The following RAB14 variants were observed in gnomAD, a reference collection of about 807,000 sequenced individuals.
RAB14 encodes RAB14, member RAS oncogene family.
In RAB14, 3 loss-of-function variants were observed where a neutral mutation model predicts 31.1. The observed-to-expected ratio is 0.10, with a 90% CI of 0.04 to 0.25. The LOEUF (loss-of-function observed/expected upper bound fraction) is 0.25, where lower values mean the gene tolerates loss of function less well. Among genes scored for constraint, RAB14 ranks in the 10% least tolerant of loss-of-function variants. RAB14 has a pLI of 1.00. For missense variants in RAB14, 111 were observed against 260.1 expected (o/e 0.43, Z 3.94); for synonymous variants, 85 against 84.9 (o/e 1.00, Z 0.00).
At chr9:121,186,033 C>T (rs1365385662) in intron 5 of RAB14, among the ~76,000 whole-genome samples, 1 of 152,162 alleles carries the variant, frequency 6.6e-6, no homozygotes, top group East Asian at 1.9e-4. Flanking sequence ...ACTGATAACA[C>T]AGTTCTTGAA....
chr9:121,196,376 C>G (rs2053717078), intron 1 of RAB14, among the ~76,000 whole-genome samples: 1 of 152,132 alleles, frequency 6.6e-6, no homozygotes, highest in Non-Finnish European at 1.5e-5. Context: ...CAACAATTTG[C>G]AAACTAATAA....
chr9:121,188,719 G>A (rs908486938), intron 4 of RAB14, among the ~76,000 whole-genome samples: 1 of 151,998 alleles, frequency 6.6e-6, no homozygotes, highest in Non-Finnish European at 1.5e-5. Context: ...TTGCTGTCAT[G>A]ACTGCAACAC....
intron 1 of RAB14, among the ~76,000 whole-genome samples, chr9:121,193,697 G>C (rs1588370993): frequency 6.6e-6 from 1 of 151,974 alleles, no homozygotes; most frequent in East Asian, 1.9e-4. Context: ...GAACTTAAAA[G>C]TATAATTTAA....
rs968596291 is a variant in RAB14 at position 121,179,777 on chromosome 9, C to T, written c.*1619G>A. On this transcript the variant is annotated 3_prime_UTR_variant, in exon 8 of 8. Transcript: ENST00000373840. Reference sequence around the variant, plus strand: ...ATACTCTGGTACTACCACATGTTTACAACCCAGAAAGATGTACTTTTATGT... The same window carrying T: ...ATACTCTGGTACTACCACATGTTTATAACCCAGAAAGATGTACTTTTATGT... The T allele has an allele frequency of 2.0e-5, 3 of 152,572 alleles. No individual in the cohort carries two copies. The highest frequency in any genetic ancestry group is 7.2e-5 in the African/African-American group (3 of 41,418). The allele number at this position is 152,572 out of a possible 1,614,324, so 9.5% of individuals were successfully genotyped here.
Position 121,181,396 on chromosome 9 carries a change from C to G in RAB14, c.648G>C (p.Ter216TyrextTer1). ...PQPQREGCGC[*>Y] ...ATGAGGGGCCACAGCAAAGAGGTCA[C>G]TAGCAGCCACAGCCTTCTCTCTGGG... The change falls in exon 8 of 8, where the codon TAG (stop) becomes TAC (tyrosine). Residue 216 changes from the stop codon to tyrosine, a stop_lost. Transcript: ENST00000373840. 6.3e-7 allele frequency: 1 copy of G among 1,592,580 alleles called. No individual in the cohort carries two copies. The highest frequency in any genetic ancestry group is 8.6e-7 in the Non-Finnish European group (1 of 1,164,272).
intron 1 of RAB14, among the ~76,000 whole-genome samples, chr9:121,201,434 C>T (rs949351266): frequency 6.6e-6 from 1 of 152,140 alleles, no homozygotes; most frequent in East Asian, 1.9e-4. Flanking sequence ...GCGCAGGGGA[C>T]ACCTCCGCCC....
chr9:121,199,045 T>C lies in RAB14; in HGVS notation c.-8+2594A>G, dbSNP rs570370322. The stretch of plus-strand genomic sequence containing the variant: ...CTTAATGTGGCAAAAGTAACTTTGA[T>C]GGTCTTCTATATACAGGAAATAAAG... On this transcript the variant is annotated intron_variant, in intron 1 of 7. Transcript: ENST00000373840. Among the ~76,000 whole-genome samples the C allele has an allele frequency of 2.6e-5, 4 of 152,334 alleles. No homozygotes were observed. The South Asian group carries it at 6.2e-4, about 24-fold the overall frequency.
chr9:121,196,194 T>C (rs559595505), intron 1 of RAB14, among the ~76,000 whole-genome samples: 2 of 151,860 alleles, frequency 1.3e-5, no homozygotes, highest in South Asian at 4.2e-4. Context: ...AAAAAAAAAA[T>C]CCTGGTAATA....
chr9:121,189,765 CTAAT>C (rs766760552), intron 4 of RAB14, among the ~76,000 whole-genome samples: 32 of 152,102 alleles, frequency 2.1e-4, no homozygotes, highest in Admixed American at 4.6e-4. Context: ...GCTTTAAACT[CTAAT>C]TATCACTTGG....
intron 6 of RAB14, 53 bp from the exon 7 acceptor site, chr9:121,183,013 G>T: frequency 6.6e-7 from 1 of 1,518,074 alleles, no homozygotes; most frequent in Admixed American, 1.8e-5. Context: ...ACTCACAAGT[G>T]CACTTCTTTA....
chr9:121,178,586 C>T lies in RAB14; in HGVS notation c.*2810G>A, dbSNP rs1295105412. On this transcript the variant is annotated 3_prime_UTR_variant, in exon 8 of 8. Coordinates refer to ENST00000373840, the MANE Select transcript of RAB14 (RefSeq NM_016322.4). ...AAAGTTCCCCAAAACTACTGTCTTA[C>T]CGAATTTGAGAAGGGAGGTAATGTA... 6.6e-6 allele frequency: 1 copy of T among 152,488 alleles called. No individual in the cohort carries two copies. Among genetic ancestry groups the T allele is most frequent in the Non-Finnish European group, 1.5e-5 (1 of 68,024 alleles). The allele number at this position is 152,488 out of a possible 1,614,324, so 9.4% of individuals were successfully genotyped here.
chr9:121,192,237 AAAG>A lies in RAB14; in HGVS notation c.53-16_53-14del, dbSNP rs1368778872. The A allele has an allele frequency of 3.8e-6, 6 of 1,584,402 alleles. No homozygotes were observed. The highest frequency in any genetic ancestry group is 5.2e-6 in the Non-Finnish European group (6 of 1,163,928). ...ACTCCCATGTCCCCTGTTTAAAAAAAAAGAAGTTTCAGGTGGCAATTACATTTC... is the reference window on the plus strand; with the variant it reads ...ACTCCCATGTCCCCTGTTTAAAAAAAAAGTTTCAGGTGGCAATTACATTTC... On this transcript the variant is annotated splice_polypyrimidine_tract_variant and intron_variant, in intron 2 of 7. Coordinates refer to ENST00000373840, the MANE Select transcript of RAB14 (RefSeq NM_016322.4).
intron 4 of RAB14, among the ~76,000 whole-genome samples, chr9:121,189,490 A>T (rs1265683701): frequency 6.6e-6 from 1 of 152,148 alleles, no homozygotes; most frequent in East Asian, 1.9e-4. Context: ...AAGGGCATTA[A>T]GGCTTGTTTC....
At chr9:121,188,341 C>T (rs2053669010) in intron 4 of RAB14, among the ~76,000 whole-genome samples, 1 of 151,826 alleles carries the variant, frequency 6.6e-6, no homozygotes, top group African/African-American at 2.4e-5. Context: ...CTTTGATGAA[C>T]TTTAAAATTT....
rs141348233 is a variant in RAB14 at position 121,189,440 on chromosome 9, T to G, written c.284+1114A>C. 2.2e-3 allele frequency among the ~76,000 whole-genome samples: 338 copies of G among 152,220 alleles called. 1 individual carries two copies. The highest frequency in any genetic ancestry group is 7.7e-3 in the African/African-American group (320 of 41,536). ...GCCAGGTTTATTAACAGTCTTCCCATAATACTCTTGATCATATCACAGATT... is the reference window on the plus strand; with the variant it reads ...GCCAGGTTTATTAACAGTCTTCCCAGAATACTCTTGATCATATCACAGATT... On this transcript the variant is annotated intron_variant, in intron 4 of 7. Transcript: ENST00000373840.
At chr9:121,193,317 T>C (rs774935137) in intron 2 of RAB14, 44 bp downstream of exon 2, 2 of 1,344,336 alleles carry the variant, frequency 1.5e-6, no homozygotes, top group Admixed American at 1.8e-5. Flanking sequence ...ATTTTGTATG[T>C]TAACCTTCTT....
intron 1 of RAB14, among the ~76,000 whole-genome samples, chr9:121,194,490 G>A (rs1037910922): frequency 3.9e-5 from 6 of 152,184 alleles, no homozygotes; most frequent in African/African-American, 1.4e-4. Context: ...TAAGACACGT[G>A]CTAGGTCCTA....
chr9:121,198,815 A>G (rs1280167282), intron 1 of RAB14, among the ~76,000 whole-genome samples: 2 of 152,152 alleles, frequency 1.3e-5, no homozygotes, highest in Non-Finnish European at 2.9e-5. Context: ...GCCCACTAAA[A>G]TGGACCACTA....
chr9:121,192,030 C>G (rs1432798569), intron 3 of RAB14, 141 bp downstream of exon 3: 2 of 490,400 alleles, frequency 4.1e-6, no homozygotes, highest in South Asian at 4.3e-5. Context: ...TTCATTTTAT[C>G]TGTACCCATT....
Sources: gnomAD v4.1 joint callset for allele counts (sites outside exome capture counted in the v4.1 genomes callset) on GRCh38, gnomAD v4.1.1 for gene constraint, MANE v1.5 for transcripts, NCBI Gene and HGNC (gene_info 2026-07-23, HGNC 2026-07-21) for gene names.